The following MED20 variants were observed in gnomAD, a reference collection of about 807,000 sequenced individuals.
MED20 encodes the protein mediator complex subunit 20, also known as mediator of RNA polymerase II transcription subunit 20.
MED20 carries 19 observed loss-of-function variants against 19.7 expected under a neutral mutation model. The ratio of observed to expected loss-of-function variants is 0.96; its 90% CI spans 0.67 to 1.42. MED20 has a LOEUF of 1.42. Among genes scored for constraint, MED20 ranks in the 40% most tolerant of loss-of-function variants. MED20 has a pLI of 0.00. For synonymous variants in MED20, 105 were observed against 104.8 expected, an observed-to-expected ratio of 1.00 and a Z score of -0.01; for missense variants, 225 against 273.0, an observed-to-expected ratio of 0.82 and a Z score of 1.24.
rs560995302 is a variant in MED20, at chr6:41,915,631, C to CA, written c.169+1153dup. 1.6e-3 allele frequency among the ~76,000 whole-genome samples: 240 copies of CA among 152,238 alleles called. 1 individual carries two copies. Among genetic ancestry groups the CA allele is most frequent in the African/African-American group, 5.6e-3 (234 of 41,552 alleles). ...TGAAACCCCGTCTCTACTAAAAATA[C>CA]AAAAAATTAGCCCAGCGTAGTGGCA... On this transcript the variant is annotated intron_variant, in intron 2 of 3. Coordinates refer to ENST00000265350, the MANE Select transcript of MED20 (RefSeq NM_004275.5).
chr6:41,918,119 T>A (rs1269835605), intron 1 of MED20, among the ~76,000 whole-genome samples: 1 of 152,190 alleles, frequency 6.6e-6, no homozygotes, highest in African/African-American at 2.4e-5. Context: ...ACCAACAACG[T>A]GCCAGACTGC....
intron 3 of MED20, among the ~76,000 whole-genome samples, chr6:41,908,350 C>T (rs1303716786): frequency 6.6e-6 from 1 of 152,096 alleles, no homozygotes; most frequent in Non-Finnish European, 1.5e-5. Context: ...GTGAACTTTC[C>T]CTGGTCCCAA....
At position 41,907,035 on chromosome 6, in the gene MED20, C is replaced by T. The variant is rs1246089141; in HGVS notation, c.*37G>A. The T allele has an allele frequency of 2.5e-6, 4 of 1,597,686 alleles. No homozygotes were observed. Among genetic ancestry groups the T allele is most frequent in the Non-Finnish European group, 2.6e-6 (3 of 1,167,612 alleles). On this transcript the variant is annotated 3_prime_UTR_variant, in exon 4 of 4. Coordinates refer to ENST00000265350, the MANE Select transcript of MED20 (RefSeq NM_004275.5). ...CAGCACCTGCTCCTCCTGTGGAGTA[C>T]CCCTGGTGACAGAGCTCAGCTGGCA...
At chr6:41,907,813 G>C (rs938088288) in intron 3 of MED20, among the ~76,000 whole-genome samples, 1 of 152,110 alleles carries the variant, frequency 6.6e-6, no homozygotes, top group Admixed American at 6.6e-5. Context: ...ATACATCTTA[G>C]GTTTTCTCCT....
rs1327086849 is a variant in MED20 at position 41,914,378 on chromosome 6, G to GA, written c.169+2406dup. On this transcript the variant is annotated intron_variant, in intron 2 of 3. Coordinates refer to ENST00000265350, the MANE Select transcript of MED20 (RefSeq NM_004275.5). Reference sequence around the variant, plus strand: ...CCAAAGCTAACTAGTAGAGAGCCTGGAAAATACAGCTTACAGGGAAAGTGC... The same window carrying GA: ...CCAAAGCTAACTAGTAGAGAGCCTGGAAAAATACAGCTTACAGGGAAAGTGC... Among the ~76,000 whole-genome samples the GA allele has an allele frequency of 2.6e-5, 4 of 152,262 alleles. No individual in the cohort carries two copies. The South Asian group carries it at 6.2e-4, about 24-fold the overall frequency.
chr6:41,919,297 T>C (rs562324106), intron 1 of MED20, among the ~76,000 whole-genome samples: 3 of 152,274 alleles, frequency 2.0e-5, no homozygotes, highest in Admixed American at 1.3e-4. Context: ...TGTATAAGGA[T>C]GTAGTGCCTG....
intron 2 of MED20, among the ~76,000 whole-genome samples, chr6:41,911,720 C>G (rs1452606161): frequency 6.6e-6 from 1 of 152,056 alleles, no homozygotes; most frequent in Non-Finnish European, 1.5e-5. Context: ...ATATGGCTTC[C>G]CTATACAGGC....
intron 2 of MED20, among the ~76,000 whole-genome samples, chr6:41,910,407 G>A (rs538161280): frequency 2.0e-5 from 3 of 152,138 alleles, no homozygotes; most frequent in South Asian, 4.1e-4. Flanking sequence ...TGAGGCGGGT[G>A]GATCACTTGA....
intron 2 of MED20, among the ~76,000 whole-genome samples, chr6:41,912,352 C>CTT (rs70987544): frequency 1.9e-4 from 17 of 87,634 alleles, no homozygotes; most frequent in South Asian, 4.0e-4. Flanking sequence ...GACCATAGTA[C>CTT]TTTTTTTTTT....
chr6:41,919,077 C>T (rs1170547697), intron 1 of MED20, among the ~76,000 whole-genome samples: 5 of 143,178 alleles, frequency 3.5e-5, no homozygotes, highest in African/African-American at 2.6e-5. Context: ...TGCAGTGAGC[C>T]GAGATCACGC....
intron 1 of MED20, chr6:41,917,840 A>AG: frequency 2.1e-6 from 1 of 467,118 alleles, no homozygotes; most frequent in Non-Finnish European, 4.5e-6. Context: ...CCAGAGCCAC[A>AG]GGTGGCTGGG....
Position 41,909,432 on chromosome 6 carries a change from G to A in MED20, c.260C>T (p.Ala87Val), listed in dbSNP as rs1298873976. ...ALFENGPCLI[A>V]DTNFDVLMVK... ...CATAAGCACATCAAAGTTGGTGTCAGCAATAAGGCAAGGGCCATTCTCAAA... is the reference window on the plus strand; with the variant it reads ...CATAAGCACATCAAAGTTGGTGTCAACAATAAGGCAAGGGCCATTCTCAAA... The change falls in exon 3 of 4, where the codon GCT (alanine) becomes GTT (valine). Residue 87 changes from alanine to valine, a missense_variant. Coordinates refer to ENST00000265350, the MANE Select transcript of MED20 (RefSeq NM_004275.5). 1.9e-6 allele frequency: 3 copies of A among 1,614,102 alleles called. No homozygotes were observed. The highest frequency in any genetic ancestry group is 2.2e-5 in the South Asian group (2 of 91,088).
In MED20 at chr6:41,906,937, A is replaced by T; in HGVS notation, c.*135T>A. ...GGGACTCAGCCCCAGAACAAAAGCC[A>T]CAGCTGAGAACCAGAGAAGGAGAGT... On this transcript the variant is annotated 3_prime_UTR_variant, in exon 4 of 4. Transcript: ENST00000265350. 1 of 753,592 alleles carries T rather than the reference A, an allele frequency of 1.3e-6. No individual in the cohort carries two copies. Among genetic ancestry groups the T allele is most frequent in the Non-Finnish European group, 2.1e-6 (1 of 468,750 alleles). The allele number at this position is 753,592 out of a possible 1,614,324, so 46.7% of individuals were successfully genotyped here. A position where few individuals can be genotyped will look rare whatever the true frequency, so the allele number is the denominator to read the frequency against.
chr6:41,909,612 G>A, intron 2 of MED20, 90 bp from the exon 3 acceptor site: 1 of 1,548,782 alleles, frequency 6.5e-7, no homozygotes, highest in Non-Finnish European at 8.8e-7. Flanking sequence ...AATGAGGCCA[G>A]ACAGCAATCT....
chr6:41,919,545 A>T (rs1775405487), intron 1 of MED20, among the ~76,000 whole-genome samples: 1 of 152,184 alleles, frequency 6.6e-6, no homozygotes, highest in South Asian at 2.1e-4. Context: ...CCCTAAACTG[A>T]CGCTACAAGT....
chr6:41,911,106 CAA>C (rs377146036), intron 2 of MED20, among the ~76,000 whole-genome samples: 15 of 111,768 alleles, frequency 1.3e-4, no homozygotes, highest in African/African-American at 1.4e-4. Context: ...GACTCCATCT[CAA>C]AAAAAAAAAA....
At chr6:41,908,055 T>C (rs1775101248) in intron 3 of MED20, among the ~76,000 whole-genome samples, 1 of 152,150 alleles carries the variant, frequency 6.6e-6, no homozygotes, top group Non-Finnish European at 1.5e-5. Context: ...CTAATGCCCT[T>C]TTCTCCAACT....
intron 2 of MED20, 25 bp downstream of exon 2, chr6:41,916,760 C>A: frequency 6.2e-7 from 1 of 1,611,740 alleles, no homozygotes; most frequent in South Asian, 1.1e-5. Flanking sequence ...TGGTTCCAGC[C>A]ATCCTACAGA....
At chr6:41,907,309 A>T (rs778885416) in intron 3 of MED20, 22 bp from the exon 4 acceptor site, 7 of 1,585,338 alleles carry the variant, frequency 4.4e-6, no homozygotes, top group Non-Finnish European at 6.0e-6. Context: ...AAGCACAGAG[A>T]ATGAGGGTGA....
Sources: allele counts gnomAD v4.1 joint callset (sites outside exome capture counted in the v4.1 genomes callset), GRCh38; gene constraint gnomAD v4.1.1; transcripts MANE v1.5; gene names NCBI Gene and HGNC (gene_info 2026-07-23, HGNC 2026-07-21).